Variants in NR6A1 observed in about 807,000 individuals in gnomAD.
NR6A1 encodes the protein retinoic acid receptor-related testis-associated receptor.
In NR6A1, 7 loss-of-function variants were observed where a neutral mutation model predicts 59.1. That is an observed-to-expected ratio of 0.12 (90% confidence interval 0.07 to 0.22). NR6A1 has a LOEUF of 0.22. Among genes scored for constraint, NR6A1 ranks in the 10% least tolerant of loss-of-function variants. The pLI, the probability that NR6A1 is intolerant of heterozygous loss-of-function variation, is 1.00. For synonymous variants in NR6A1, 243 were observed against 236.1 expected, an observed-to-expected ratio of 1.03 and a Z score of -0.27; for missense variants, 468 against 611.6, an observed-to-expected ratio of 0.77 and a Z score of 2.48.
intron 9 of NR6A1, 127 bp downstream of exon 9, chr9:124,524,594 G>A (rs1832879849): frequency 3.9e-6 from 4 of 1,029,170 alleles, no homozygotes; most frequent in Non-Finnish European, 5.6e-6. Flanking sequence ...TGAGGGCAAG[G>A]GTGAGAACTC....
chr9:124,626,187 G>A (rs1836237222), intron 2 of NR6A1, among the ~76,000 whole-genome samples: 1 of 152,116 alleles, frequency 6.6e-6, no homozygotes, highest in Non-Finnish European at 1.5e-5. Context: ...TGTATTTTCC[G>A]TAGAGACAGG....
chr9:124,581,464 T>C (rs1300353979), intron 2 of NR6A1, among the ~76,000 whole-genome samples: 1 of 151,988 alleles, frequency 6.6e-6, no homozygotes. Flanking sequence ...TGGTGGTGCA[T>C]GCCTGTAGTC....
In NR6A1 at chr9:124,759,241, C is replaced by T. The variant is rs961868932; in HGVS notation, c.100+11779G>A. Among the ~76,000 whole-genome samples, 3 of 152,166 alleles carry T rather than the reference C, an allele frequency of 2.0e-5. No homozygotes were observed. In the South Asian group the frequency reaches 6.2e-4, roughly 31 times the overall value. The stretch of plus-strand genomic sequence containing the variant: ...TGTGAGACAGAATTTTAAAAAGGTA[C>T]ATGGGACAAAGGCCACCTTTTCCTA... On this transcript the variant is annotated intron_variant, in intron 1 of 9. Coordinates refer to ENST00000487099, the MANE Select transcript of NR6A1 (RefSeq NM_033334.4).
At chr9:124,609,213 G>A (rs939984619) in intron 2 of NR6A1, among the ~76,000 whole-genome samples, 3 of 152,104 alleles carry the variant, frequency 2.0e-5, no homozygotes, top group Non-Finnish European at 2.9e-5. Context: ...TCCTGCCTAC[G>A]TTTTCACCTA....
At chr9:124,734,372 T>C (rs1439218700) in intron 1 of NR6A1, among the ~76,000 whole-genome samples, 1 of 152,188 alleles carries the variant, frequency 6.6e-6, no homozygotes, top group Non-Finnish European at 1.5e-5. Context: ...TAAACAACTG[T>C]AGTATTTCAC....
intron 1 of NR6A1, among the ~76,000 whole-genome samples, chr9:124,735,932 C>A (rs965566216): frequency 1.3e-5 from 2 of 152,160 alleles, no homozygotes; most frequent in East Asian, 3.8e-4. Context: ...ATGCTAATAC[C>A]ATCACCTTGG....
chr9:124,525,284 A>AAC (rs71492413), intron 8 of NR6A1, among the ~76,000 whole-genome samples: 12,391 of 136,848 alleles, frequency 0.091, 567 homozygotes, highest in African/African-American at 0.13. Flanking sequence ...ATGCTTGTAA[A>AAC]ACACACACAC....
At position 124,733,368 on chromosome 9, in the gene NR6A1, GA is replaced by G. The variant is rs141338224; in HGVS notation, c.101-20del. The G allele has an allele frequency of 3.5e-3, 5,610 of 1,601,802 alleles. 159 individuals are homozygous for G. In the African/African-American group the frequency reaches 0.064, roughly 18 times the overall value. On this transcript the variant is annotated intron_variant, in intron 1 of 9. Transcript: ENST00000487099. ...CAGAAACCTAAAGAGAAAACAATAG[GA>G]AAAAAAATTACAATTTGTGAATTAC...
At chr9:124,660,061 T>C (rs1837382427) in intron 2 of NR6A1, among the ~76,000 whole-genome samples, 3 of 152,146 alleles carry the variant, frequency 2.0e-5, no homozygotes, top group African/African-American at 7.2e-5. Context: ...TTTTAAAGGG[T>C]TGTTTTCTTG....
intron 2 of NR6A1, among the ~76,000 whole-genome samples, chr9:124,592,723 A>AC (rs965669659): frequency 1.3e-5 from 2 of 151,882 alleles, no homozygotes; most frequent in African/African-American, 4.8e-5. Flanking sequence ...CACATTATGG[A>AC]CCCCCAGTTC....
At chr9:124,706,458 A>C (rs1693687571) in intron 2 of NR6A1, among the ~76,000 whole-genome samples, 1 of 152,222 alleles carries the variant, frequency 6.6e-6, no homozygotes, top group Middle Eastern at 3.4e-3. Flanking sequence ...TGTCTTTTTA[A>C]TGTGGAACTC....
chr9:124,586,103 A>C (rs1834922562), intron 2 of NR6A1, among the ~76,000 whole-genome samples: 1 of 152,238 alleles, frequency 6.6e-6, no homozygotes, highest in African/African-American at 2.4e-5. Context: ...CCCAAGAATC[A>C]TGGAGTAATT....
intron 2 of NR6A1, among the ~76,000 whole-genome samples, chr9:124,729,131 G>A (rs1839812634): frequency 6.6e-6 from 1 of 152,134 alleles, no homozygotes; most frequent in Non-Finnish European, 1.5e-5. Context: ...CTATTTTAGT[G>A]ATGGATCGTA....
intron 2 of NR6A1, among the ~76,000 whole-genome samples, chr9:124,680,037 A>G (rs941025281): frequency 1.3e-5 from 2 of 152,082 alleles, no homozygotes; most frequent in Non-Finnish European, 2.9e-5. Context: ...TGAGTTATAC[A>G]TTATATGTAA....
chr9:124,556,048 T>C (rs545761175), intron 2 of NR6A1, among the ~76,000 whole-genome samples: 12 of 152,326 alleles, frequency 7.9e-5, no homozygotes, highest in Middle Eastern at 3.4e-3. Flanking sequence ...GATGAGTCTT[T>C]ATGATTGCCA....
At chr9:124,707,368 C>G (rs892107571) in intron 2 of NR6A1, among the ~76,000 whole-genome samples, 24 of 152,082 alleles carry the variant, frequency 1.6e-4, no homozygotes, top group Admixed American at 5.9e-4. Flanking sequence ...TTGAAATTCT[C>G]TATGTACTAG....
chr9:124,721,440 C>T (rs1451395920), intron 2 of NR6A1, among the ~76,000 whole-genome samples: 1 of 152,162 alleles, frequency 6.6e-6, no homozygotes, highest in East Asian at 1.9e-4. Flanking sequence ...AGCAATGCCA[C>T]AGAATCAACT....
intron 2 of NR6A1, among the ~76,000 whole-genome samples, chr9:124,637,477 A>G (rs1209161950): frequency 6.6e-6 from 1 of 152,222 alleles, no homozygotes; most frequent in African/African-American, 2.4e-5. Flanking sequence ...TTAACGCTCA[A>G]AACTCTGCCA....
At chr9:124,629,045 A>G (rs1201683072) in intron 2 of NR6A1, among the ~76,000 whole-genome samples, 1 of 152,244 alleles carries the variant, frequency 6.6e-6, no homozygotes, top group Non-Finnish European at 1.5e-5. Context: ...GACAGGCCAA[A>G]GAGGCCTCTG....
Sources: gnomAD v4.1 joint callset for allele counts (sites outside exome capture counted in the v4.1 genomes callset) on GRCh38, gnomAD v4.1.1 for gene constraint, MANE v1.5 for transcripts, NCBI Gene and HGNC (gene_info 2026-07-23, HGNC 2026-07-21) for gene names.